The following STX8 variants were observed in gnomAD, a reference collection of about 807,000 sequenced individuals.
The protein encoded by STX8 is syntaxin-8.
Under a neutral mutation model 37.5 loss-of-function variants are expected in STX8, and 23 were observed. That is an observed-to-expected ratio of 0.61 (90% confidence interval 0.44 to 0.87). STX8 has a LOEUF of 0.87. Ranked by LOEUF, STX8 falls within the 40% of genes least tolerant of loss-of-function variation. The probability of loss-of-function intolerance (pLI) is 0.00; values close to 1 mark genes in which losing one functional copy is unlikely to be tolerated. For missense variants in STX8, 313 were observed against 284.7 expected, an observed-to-expected ratio of 1.10 and a Z score of -0.71; for synonymous variants, 115 against 99.1, an observed-to-expected ratio of 1.16 and a Z score of -0.95.
intron 6 of STX8, among the ~76,000 whole-genome samples, chr17:9,414,967 T>G (rs1055839311): frequency 2.6e-5 from 4 of 151,896 alleles, no homozygotes. Context: ...ATTTTTGTAT[T>G]TTTAGTAGAG....
At chr17:9,451,010 A>G (rs1050438499) in intron 6 of STX8, among the ~76,000 whole-genome samples, 2 of 152,160 alleles carry the variant, frequency 1.3e-5, no homozygotes, top group Non-Finnish European at 2.9e-5. Flanking sequence ...AAAAATGAAT[A>G]AGACAGCCTT....
chr17:9,446,762 G>A (rs1167931697), intron 6 of STX8, among the ~76,000 whole-genome samples: 1 of 152,170 alleles, frequency 6.6e-6, no homozygotes, highest in Non-Finnish European at 1.5e-5. Flanking sequence ...CACCAAGAAT[G>A]ACTGAGTAGC....
chr17:9,255,678 T>C (rs1906769143), intron 7 of STX8, among the ~76,000 whole-genome samples: 1 of 152,194 alleles, frequency 6.6e-6, no homozygotes, highest in Non-Finnish European at 1.5e-5. Flanking sequence ...AGGAGGATTT[T>C]AGGAGCCATG....
chr17:9,286,266 A>G (rs550138829), intron 7 of STX8, among the ~76,000 whole-genome samples: 1 of 152,334 alleles, frequency 6.6e-6, no homozygotes, highest in South Asian at 2.1e-4. Flanking sequence ...CTTCTCCAAA[A>G]GAGAGTAGGA....
intron 6 of STX8, among the ~76,000 whole-genome samples, chr17:9,439,698 G>T (rs571864670): frequency 6.6e-6 from 1 of 152,150 alleles, no homozygotes; most frequent in South Asian, 2.1e-4. Flanking sequence ...GTTTCACCAT[G>T]TTGGCCAGGA....
intron 7 of STX8, among the ~76,000 whole-genome samples, chr17:9,268,210 C>A (rs1447927597): frequency 4.6e-5 from 7 of 151,636 alleles, no homozygotes; most frequent in Admixed American, 4.6e-4. Flanking sequence ...AACTGCTAAC[C>A]TTTCACTAGG....
intron 6 of STX8, among the ~76,000 whole-genome samples, chr17:9,389,841 T>G (rs766239317): frequency 2.6e-5 from 4 of 152,170 alleles, no homozygotes; most frequent in Non-Finnish European, 4.4e-5. Context: ...CTATAATTGA[T>G]ATCATACTCA....
At chr17:9,372,215 C>T (rs534964266) in intron 7 of STX8, among the ~76,000 whole-genome samples, 162 of 152,222 alleles carry the variant, frequency 1.1e-3, no homozygotes, top group Non-Finnish European at 1.8e-3. Context: ...ACTGTATTTT[C>T]CCTCCCGTCT....
chr17:9,482,229 T>A (rs1049354322), intron 6 of STX8, among the ~76,000 whole-genome samples: 2 of 152,152 alleles, frequency 1.3e-5, no homozygotes, highest in Middle Eastern at 3.2e-3. Context: ...AACTTCAGCA[T>A]TTCAAATACC....
chr17:9,348,417 C>A (rs1246573557), intron 7 of STX8, among the ~76,000 whole-genome samples: 29 of 99,408 alleles, frequency 2.9e-4, no homozygotes, highest in Middle Eastern at 4.8e-3. Context: ...GACTCTGTCT[C>A]AAAAAAAAAA....
At chr17:9,302,039 C>T (rs1172384939) in intron 7 of STX8, among the ~76,000 whole-genome samples, 2 of 152,090 alleles carry the variant, frequency 1.3e-5, no homozygotes, top group Admixed American at 6.5e-5. Context: ...AAATAGTTTG[C>T]CCATAAAACT....
intron 6 of STX8, among the ~76,000 whole-genome samples, chr17:9,384,464 C>T (rs939417061): frequency 3.3e-5 from 5 of 152,034 alleles, no homozygotes; most frequent in African/African-American, 4.8e-5. Flanking sequence ...TGGTGAAACC[C>T]CGTCTCTACT....
intron 6 of STX8, among the ~76,000 whole-genome samples, chr17:9,479,075 G>C (rs1906210963): frequency 6.6e-6 from 1 of 152,114 alleles, no homozygotes; most frequent in Non-Finnish European, 1.5e-5. Context: ...CTATCTAGGG[G>C]ACCAGTCACA....
intron 7 of STX8, among the ~76,000 whole-genome samples, chr17:9,366,637 A>C (rs1911239531): frequency 6.6e-6 from 1 of 152,204 alleles, no homozygotes; most frequent in African/African-American, 2.4e-5. Context: ...AACTATATAC[A>C]AACAAAAATC....
rs61701242 is a variant in STX8, at chr17:9,396,416, G to T, written c.542-17763C>A. 7.3e-3 allele frequency among the ~76,000 whole-genome samples: 1,105 copies of T among 152,250 alleles called. 12 individuals carry two copies. The highest frequency in any genetic ancestry group is 0.026 in the African/African-American group (1,065 of 41,564). On this transcript the variant is annotated intron_variant, in intron 6 of 7. Transcript: ENST00000306357. Reference sequence around the variant, plus strand: ...TACTCTATATGGGCCGGGCGCAGTGGCTCACGCCTGTAATCCCGCACTTTG... The same window carrying T: ...TACTCTATATGGGCCGGGCGCAGTGTCTCACGCCTGTAATCCCGCACTTTG...
intron 5 of STX8, among the ~76,000 whole-genome samples, chr17:9,501,106 T>C (rs772060290): frequency 1.4e-4 from 21 of 152,194 alleles, no homozygotes; most frequent in Non-Finnish European, 2.4e-4. Context: ...CTGAGAGAAT[T>C]TGAGACTCAA....
At chr17:9,251,651 G>C (rs752502444) in intron 7 of STX8, among the ~76,000 whole-genome samples, 1 of 152,196 alleles carries the variant, frequency 6.6e-6, no homozygotes, top group Non-Finnish European at 1.5e-5. Context: ...TGAACGCCAC[G>C]GTAGTCTGTG....
chr17:9,304,875 C>CAGATG (rs1299250140), intron 7 of STX8, among the ~76,000 whole-genome samples: 5 of 150,000 alleles, frequency 3.3e-5, no homozygotes, highest in African/African-American at 9.9e-5. Context: ...GTGCTAGGTA[C>CAGATG]AGATGAGTGT....
chr17:9,357,887 C>A (rs1910938607), intron 7 of STX8, among the ~76,000 whole-genome samples: 1 of 152,104 alleles, frequency 6.6e-6, no homozygotes, highest in African/African-American at 2.4e-5. Flanking sequence ...TGTGAAGTCC[C>A]AAATTCAAGA....
Sources: allele counts gnomAD v4.1 joint callset (sites outside exome capture counted in the v4.1 genomes callset), GRCh38; gene constraint gnomAD v4.1.1; transcripts MANE v1.5; gene names NCBI Gene and HGNC (gene_info 2026-07-23, HGNC 2026-07-21).